The following CCDC3 variants were observed in gnomAD, a reference collection of about 807,000 sequenced individuals.
The protein encoded by CCDC3 is coiled-coil domain containing 3.
CCDC3 carries 24 observed loss-of-function variants against 21.4 expected under a neutral mutation model. That is an observed-to-expected ratio of 1.12 (90% CI 0.81 to 1.58). The LOEUF (loss-of-function observed/expected upper bound fraction) is 1.58. Ranked by LOEUF, CCDC3 falls within the 40% of genes most tolerant of loss-of-function variation. The pLI, the probability that CCDC3 is intolerant of heterozygous loss-of-function variation, is 0.00. For synonymous variants in CCDC3, 186 were observed against 166.0 expected (o/e 1.12, Z -0.93); for missense variants, 425 against 360.9 (o/e 1.18, Z -1.44).
At chr10:12,988,791 C>T (rs563516383) in intron 2 of CCDC3, among the ~76,000 whole-genome samples, 3 of 152,280 alleles carry the variant, frequency 2.0e-5, no homozygotes, top group Admixed American at 1.3e-4. Flanking sequence ...CTCCTGTTCC[C>T]TTTTGTATCC....
chr10:13,093,919 A>AT (rs1312518444), intron 3 of CCDC3, among the ~76,000 whole-genome samples: 1 of 152,222 alleles, frequency 6.6e-6, no homozygotes, highest in Non-Finnish European at 1.5e-5. Context: ...TAATGATAGT[A>AT]TTTTTCAGAC....
intron 3 of CCDC3, among the ~76,000 whole-genome samples, chr10:13,086,570 C>G (rs1343246877): frequency 6.6e-6 from 1 of 152,164 alleles, no homozygotes. Flanking sequence ...CCTCAGCCTC[C>G]CCAGCAGCTG....
At chr10:13,036,310 T>C (rs1307363818) in intron 5 of CCDC3, among the ~76,000 whole-genome samples, 1 of 152,188 alleles carries the variant, frequency 6.6e-6, no homozygotes, top group Non-Finnish European at 1.5e-5. Context: ...AACAGGTTTT[T>C]CAAAGCCTTT....
intron 5 of CCDC3, among the ~76,000 whole-genome samples, chr10:13,020,030 A>T (rs1356636989): frequency 6.6e-6 from 1 of 152,216 alleles, no homozygotes; most frequent in African/African-American, 2.4e-5. Flanking sequence ...CATAAATATG[A>T]ACACTATTAG....
intron 5 of CCDC3, among the ~76,000 whole-genome samples, chr10:13,014,855 A>G (rs1836032164): frequency 6.6e-6 from 1 of 152,156 alleles, no homozygotes; most frequent in East Asian, 1.9e-4. Context: ...AAAGTATATT[A>G]TGCAGCTACA....
intron 5 of CCDC3, among the ~76,000 whole-genome samples, chr10:13,013,634 C>G (rs1454015228): frequency 1.3e-5 from 2 of 152,078 alleles, no homozygotes; most frequent in African/African-American, 4.8e-5. Context: ...GGTAATGGAG[C>G]AAACTGGAAT....
intron 5 of CCDC3, among the ~76,000 whole-genome samples, chr10:13,034,633 A>G (rs932623240): frequency 5.9e-5 from 9 of 151,988 alleles, no homozygotes; most frequent in Non-Finnish European, 1.2e-4. Context: ...CCTTTTTTGT[A>G]TTAGTTCAGT....
At chr10:12,953,070 A>AG (rs1402997298) in intron 2 of CCDC3, among the ~76,000 whole-genome samples, 1 of 145,290 alleles carries the variant, frequency 6.9e-6, no homozygotes, top group Non-Finnish European at 1.5e-5. Flanking sequence ...GACGTACCCG[A>AG]GACTGGGTAA....
At chr10:13,052,006 G>A (rs1403739570) in intron 4 of CCDC3, among the ~76,000 whole-genome samples, 1 of 152,148 alleles carries the variant, frequency 6.6e-6, no homozygotes, top group East Asian at 1.9e-4. Context: ...GCTCATCTAA[G>A]CATGAAGATA....
chr10:12,971,513 C>T (rs1835343055), intron 2 of CCDC3, among the ~76,000 whole-genome samples: 1 of 152,162 alleles, frequency 6.6e-6, no homozygotes, highest in Non-Finnish European at 1.5e-5. Context: ...CTCCTGGCAT[C>T]CTGAATGTCA....
intron 2 of CCDC3, among the ~76,000 whole-genome samples, chr10:12,935,574 A>T (rs1834723305): frequency 6.6e-6 from 1 of 150,400 alleles, no homozygotes; most frequent in African/African-American, 2.5e-5. Context: ...ATATTATTTC[A>T]TTTTCTCTTT....
intron 2 of CCDC3, among the ~76,000 whole-genome samples, chr10:12,919,336 T>A (rs947607412): frequency 6.6e-6 from 1 of 152,168 alleles, no homozygotes; most frequent in African/African-American, 2.4e-5. Flanking sequence ...ACGCCTGTAA[T>A]CCCAGCACTT....
At chr10:12,913,540 A>T (rs1834302311) in intron 2 of CCDC3, among the ~76,000 whole-genome samples, 1 of 152,172 alleles carries the variant, frequency 6.6e-6, no homozygotes, top group Non-Finnish European at 1.5e-5. Flanking sequence ...GGACAATTTG[A>T]CTTCTTCCTT....
intron 4 of CCDC3, among the ~76,000 whole-genome samples, chr10:13,054,396 G>T (rs1836655168): frequency 6.6e-6 from 1 of 151,974 alleles, no homozygotes; most frequent in Non-Finnish European, 1.5e-5. Flanking sequence ...TTTCAAAGTG[G>T]ATTGCTTCCA....
At position 12,980,119 on chromosome 10, in the gene CCDC3, C is replaced by T. The variant is rs117651056; in HGVS notation, c.549+18219G>A. 2.2e-3 allele frequency among the ~76,000 whole-genome samples: 335 copies of T among 152,306 alleles called. 1 individual carries two copies. Among genetic ancestry groups the T allele is most frequent in the Non-Finnish European group, 3.8e-3 (259 of 68,034 alleles). On this transcript the variant is annotated intron_variant, in intron 2 of 2. Coordinates refer to ENST00000378825, the MANE Select transcript of CCDC3 (RefSeq NM_031455.4). ...CCCTTTCAGTCCTGACATTCTTCAT[C>T]CTGTGCCCCTGCAAAGCAAACAGAC...
intron 5 of CCDC3, among the ~76,000 whole-genome samples, chr10:13,007,999 T>C (rs1009018317): frequency 1.3e-5 from 2 of 152,052 alleles, no homozygotes; most frequent in Non-Finnish European, 1.5e-5. Flanking sequence ...AGGGCATCAA[T>C]GCAGAGGAGT....
intron 3 of CCDC3, among the ~76,000 whole-genome samples, chr10:13,093,105 A>T (rs1832594718): frequency 6.7e-6 from 1 of 149,690 alleles, no homozygotes. Context: ...CAATTTAACC[A>T]GCTGTATTAG....
chr10:12,922,674 G>A (rs910651895), intron 2 of CCDC3, among the ~76,000 whole-genome samples: 1 of 150,510 alleles, frequency 6.6e-6, no homozygotes, highest in African/African-American at 2.4e-5. Flanking sequence ...ACCCCTTCCC[G>A]CGCCGCAGGA....
At chr10:12,942,382 AG>A (rs1363531580) in intron 2 of CCDC3, among the ~76,000 whole-genome samples, 1 of 152,198 alleles carries the variant, frequency 6.6e-6, no homozygotes, top group Admixed American at 6.5e-5. Flanking sequence ...TCGTCGGCAA[AG>A]TTTCCCTTTT....
Sources: gnomAD v4.1 joint callset for allele counts (sites outside exome capture counted in the v4.1 genomes callset) on GRCh38, gnomAD v4.1.1 for gene constraint, MANE v1.5 for transcripts, NCBI Gene and HGNC (gene_info 2026-07-23, HGNC 2026-07-21) for gene names.